Variants in ANK2 observed in about 807,000 individuals in gnomAD.
ANK2 encodes ankyrin-2.
A neutral mutation model predicts 360.5 loss-of-function variants in ANK2; 83 were observed. The ratio of observed to expected loss-of-function variants is 0.23; its 90% CI spans 0.19 to 0.28. ANK2 has a LOEUF of 0.28. Among genes scored for constraint, ANK2 ranks in the 10% least tolerant of loss-of-function variants. The pLI is 1.00. For synonymous variants in ANK2, 1,740 were observed against 1,759.5 expected, an observed-to-expected ratio of 0.99 and a Z score of 0.28; for missense variants, 4,201 against 4,795.7, an observed-to-expected ratio of 0.88 and a Z score of 3.66.
intron 1 of ANK2, among the ~76,000 whole-genome samples, chr4:112,848,238 T>C (rs2063784621): frequency 6.6e-6 from 1 of 152,104 alleles, no homozygotes; most frequent in African/African-American, 2.4e-5. Context: ...GATTCACCTG[T>C]AGCTTCCACC....
chr4:112,961,736 A>G (rs2034932797), intron 2 of ANK2, among the ~76,000 whole-genome samples: 1 of 152,122 alleles, frequency 6.6e-6, no homozygotes, highest in Non-Finnish European at 1.5e-5. Flanking sequence ...TATTGTGTTG[A>G]AGATCTTCAG....
At chr4:112,776,297 A>G in the ANK2 span, among the ~76,000 whole-genome samples, 4 of 152,260 alleles carry the variant, frequency 2.6e-5, no homozygotes, top group Non-Finnish European at 4.4e-5. Context: ...TGAATACTAA[A>G]AGAAGCAGAG....
At chr4:112,773,396 G>T in the ANK2 span, among the ~76,000 whole-genome samples, 1 of 152,144 alleles carries the variant, frequency 6.6e-6, no homozygotes, top group Non-Finnish European at 1.5e-5. Flanking sequence ...GATAACCCAT[G>T]TTGACATAAA....
chr4:113,380,415 C>A (rs1358817705), intron 45 of ANK2, among the ~76,000 whole-genome samples: 1 of 152,184 alleles, frequency 6.6e-6, no homozygotes, highest in Non-Finnish European at 1.5e-5. Flanking sequence ...AATCCCAACA[C>A]TTTGGGAGGC....
chr4:113,090,579 G>A (rs1173699385), intron 1 of ANK2, among the ~76,000 whole-genome samples: 1 of 152,094 alleles, frequency 6.6e-6, no homozygotes, highest in Non-Finnish European at 1.5e-5. Flanking sequence ...ATCTACTTAA[G>A]TTGCGTTCTC....
In ANK2 at chr4:112,904,713, T is replaced by C. The variant is rs7675254; in HGVS notation, c.21+199T>C. 0.26 allele frequency among the ~76,000 whole-genome samples: 40,127 copies of C among 151,954 alleles called. 7,299 individuals are homozygous for C. Among genetic ancestry groups the C allele is most frequent in the African/African-American group, 0.51 (21,324 of 41,452 alleles). ...CTTTCTGTAGTCTAGGCAATTATCA[T>C]TGGTATCATTTGGGAATGAAAAGGT... is the stretch of plus-strand genomic sequence containing the variant. On this transcript the variant is annotated intron_variant, in intron 2 of 30. Coordinates refer to the ANK2 transcript ENST00000503271.
chr4:112,904,320 T>C (rs765822793), intron 1 of ANK2: 11 of 481,270 alleles, frequency 2.3e-5, no homozygotes, highest in African/African-American at 6.1e-5. Flanking sequence ...GCATTTATAA[T>C]AGTGGCTTTT....
chr4:112,807,337 T>C, the ANK2 span, among the ~76,000 whole-genome samples: 1 of 152,146 alleles, frequency 6.6e-6, no homozygotes. Flanking sequence ...AAAATCTGCT[T>C]GAGGAGACAA....
Position 113,301,406 on chromosome 4 carries a change from C to G in ANK2, c.2476-1361C>G, listed in dbSNP as rs546988559. Among the ~76,000 whole-genome samples the G allele has an allele frequency of 4.7e-5, 6 of 126,384 alleles. No individual in the cohort carries two copies. The East Asian group carries it at 1.3e-3, about 28-fold the overall frequency. The allele number at this position is 126,384 out of a possible 152,430, so 82.9% of individuals were successfully genotyped here. A position where few individuals can be genotyped will look rare whatever the true frequency, so the allele number is the denominator to read the frequency against. ...ACACACACACACACACACACACACA[C>G]ACACACATTGTGAAATGGCTAAATC... is the stretch of plus-strand genomic sequence containing the variant. On this transcript the variant is annotated intron_variant, in intron 22 of 45. Coordinates refer to ENST00000357077, the MANE Select transcript of ANK2 (RefSeq NM_001148.6).
intron 14 of ANK2, among the ~76,000 whole-genome samples, chr4:113,265,683 C>T (rs2055572489): frequency 6.6e-6 from 1 of 152,164 alleles, no homozygotes; most frequent in Admixed American, 6.5e-5. Context: ...CCTTCCTTTA[C>T]ATTGAATACA....
chr4:113,057,400 C>T (rs1369937828), intron 1 of ANK2, among the ~76,000 whole-genome samples: 4 of 152,112 alleles, frequency 2.6e-5, no homozygotes, highest in East Asian at 3.9e-4. Context: ...CACAGGCATT[C>T]TGGATGCAAC....
At chr4:113,048,246 G>GTATATATATATATATA (rs1561687336), upstream of ANK2, among the ~76,000 whole-genome samples, 4 of 54,604 alleles carry the variant, frequency 7.3e-5, no homozygotes, top group African/African-American at 2.4e-4. Flanking sequence ...ATCTACAAGT[G>GTATATATATATATATA]TGTATATATA....
At chr4:113,189,828 G>C (rs1339329582) in intron 2 of ANK2, among the ~76,000 whole-genome samples, 1 of 152,038 alleles carries the variant, frequency 6.6e-6, no homozygotes, top group Non-Finnish European at 1.5e-5. Context: ...TCCTTCCCCT[G>C]CTTGCCAACC....
chr4:112,806,412 CTG>C, the ANK2 span, among the ~76,000 whole-genome samples: 1 of 152,200 alleles, frequency 6.6e-6, no homozygotes, highest in African/African-American at 2.4e-5. Context: ...TGCTACTCCA[CTG>C]TGTGTATATA....
In ANK2 at chr4:112,923,818, G is replaced by A. The variant is rs572901012; in HGVS notation, c.21+19304G>A. Among the ~76,000 whole-genome samples the A allele has an allele frequency of 1.6e-4, 24 of 152,156 alleles. No homozygotes were observed. In the South Asian group the frequency reaches 4.8e-3, roughly 30 times the overall value. ...AATTTGGAAAGGAATATAATAAAAC[G>A]CCCAGATTCTTGGAATTTGATTCAA... On this transcript the variant is annotated intron_variant, in intron 2 of 30. Transcript: ENST00000503271.
chr4:112,844,203 T>C (rs2062786060), intron 1 of ANK2, among the ~76,000 whole-genome samples: 1 of 152,204 alleles, frequency 6.6e-6, no homozygotes, highest in Non-Finnish European at 1.5e-5. Context: ...ACTTACATGA[T>C]TCACCTGACA....
chr4:113,327,321 C>G (rs544572703), intron 26 of ANK2, among the ~76,000 whole-genome samples: 2 of 152,258 alleles, frequency 1.3e-5, no homozygotes, highest in South Asian at 4.1e-4. Context: ...TATTAGGTCT[C>G]TCTATATACA....
intron 4 of ANK2, among the ~76,000 whole-genome samples, chr4:113,222,545 T>G (rs2099163262): frequency 6.6e-6 from 1 of 151,998 alleles, no homozygotes; most frequent in Admixed American, 6.6e-5. Flanking sequence ...GTTTGATCCT[T>G]ATTGAAAAGG....
At chr4:112,797,474 TG>T in the ANK2 span, 1 of 165,158 alleles carries the variant, frequency 6.1e-6, no homozygotes, top group Non-Finnish European at 1.4e-5. Flanking sequence ...TGAGGATCAT[TG>T]TATTCTGCAA....
Sources: gnomAD v4.1 joint callset for allele counts (sites outside exome capture counted in the v4.1 genomes callset) on GRCh38, gnomAD v4.1.1 for gene constraint, MANE v1.5 for transcripts, NCBI Gene and HGNC (gene_info 2026-07-23, HGNC 2026-07-21) for gene names.